The following ABLIM2 variants were observed in gnomAD, a reference collection of about 807,000 sequenced individuals.
The protein encoded by ABLIM2 is actin-binding LIM protein 2.
Under a neutral mutation model 97.7 loss-of-function variants are expected in ABLIM2, and 53 were observed. The ratio of observed to expected loss-of-function variants is 0.54; its 90% CI spans 0.44 to 0.68. ABLIM2 has a LOEUF of 0.68. Among genes scored for constraint, ABLIM2 ranks in the 30% least tolerant of loss-of-function variants. The pLI, the probability that ABLIM2 is intolerant of heterozygous loss-of-function variation, is 0.00. For missense variants in ABLIM2, 835 were observed against 867.2 expected (o/e 0.96, Z 0.47); for synonymous variants, 361 against 345.8 (o/e 1.04, Z -0.49).
intron 11 of ABLIM2, among the ~76,000 whole-genome samples, chr4:8,029,376 G>A (rs1779381112): frequency 6.6e-6 from 1 of 152,144 alleles, no homozygotes; most frequent in Non-Finnish European, 1.5e-5. Context: ...CGCTCAGCGT[G>A]TGCCCCCTAG....
rs1041872957 is a variant in ABLIM2, at chr4:8,143,166, G to A, written c.10+15514C>T. ...TGGGAGCGGGGGCGAGAGTGGGGGG[G>A]GGGGGCGTCTGCAAATGCATCTCCT... On this transcript the variant is annotated intron_variant, in intron 1 of 20. Coordinates refer to ENST00000447017, the MANE Select transcript of ABLIM2 (RefSeq NM_001130083.2). Among the ~76,000 whole-genome samples the A allele has an allele frequency of 6.0e-5, 9 of 149,042 alleles. No homozygotes were observed. In the South Asian group the frequency reaches 1.1e-3, roughly 18 times the overall value.
rs1291887662 is a variant in ABLIM2 at position 7,998,224 on chromosome 4, T to A, written c.1619-5297A>T. On this transcript the variant is annotated intron_variant, in intron 16 of 20. Transcript: ENST00000447017. The surrounding 1 kb of genome is among the most constrained non-coding windows in gnomAD (Gnocchi z 6.4). ...TTTCATTCAAATCATTGATCTTCGG[T>A]GTTCTTGGTGTGACGGGTAATTTTT... is the stretch of plus-strand genomic sequence containing the variant. Among the ~76,000 whole-genome samples the A allele has an allele frequency of 6.6e-6, 1 of 152,046 alleles. No individual in the cohort carries two copies. The highest frequency in any genetic ancestry group is 2.4e-5 in the African/African-American group (1 of 41,388).
intron 1 of ABLIM2, among the ~76,000 whole-genome samples, chr4:8,135,804 C>G (rs1001805639): frequency 9.9e-5 from 15 of 152,240 alleles, no homozygotes; most frequent in Non-Finnish European, 1.5e-5. Context: ...CCTCTCACGG[C>G]TGACCTGTTT....
chr4:8,072,404 G>T lies in ABLIM2; in HGVS notation c.675+5224C>A, dbSNP rs1018594873. Reference sequence around the variant, plus strand: ...AGCAGCCCCAGTTTGGGTGGGGTCTGCCCCCGACCCCAGGCCAGGGCCTCT... The same window carrying T: ...AGCAGCCCCAGTTTGGGTGGGGTCTTCCCCCGACCCCAGGCCAGGGCCTCT... On this transcript the variant is annotated intron_variant, in intron 6 of 20. Coordinates refer to ENST00000447017, the MANE Select transcript of ABLIM2 (RefSeq NM_001130083.2). This position sits in a 1 kb window ranked among gnomAD's most constrained non-coding sequence, Gnocchi z 5.8. Among the ~76,000 whole-genome samples the T allele has an allele frequency of 6.6e-6, 1 of 152,214 alleles. No homozygotes were observed. The highest frequency in any genetic ancestry group is 2.4e-5 in the African/African-American group (1 of 41,458).
chr4:8,099,196 C>G (rs1037674253), intron 2 of ABLIM2, among the ~76,000 whole-genome samples: 1 of 152,184 alleles, frequency 6.6e-6, no homozygotes, highest in African/African-American at 2.4e-5. Flanking sequence ...GTAGACCAAG[C>G]AAATACATCC....
At chr4:8,143,072 G>T (rs1561628086) in intron 1 of ABLIM2, among the ~76,000 whole-genome samples, 1 of 149,096 alleles carries the variant, frequency 6.7e-6, no homozygotes, top group Non-Finnish European at 1.5e-5. Flanking sequence ...ACCGGCTCTT[G>T]TCCTTCTTCT....
At chr4:8,048,468 T>C (rs886664249) in intron 8 of ABLIM2, among the ~76,000 whole-genome samples, 1 of 151,900 alleles carries the variant, frequency 6.6e-6, no homozygotes, top group African/African-American at 2.4e-5. Context: ...ACCCCTCTCA[T>C]CTCCATGTGA....
At chr4:7,981,603 T>G (rs1451142699) in intron 20 of ABLIM2, among the ~76,000 whole-genome samples, 1 of 152,224 alleles carries the variant, frequency 6.6e-6, no homozygotes, top group East Asian at 1.9e-4. Context: ...ATTCCTTCTC[T>G]GCTTAAGTCA....
chr4:8,098,595 C>T (rs962207771), intron 2 of ABLIM2, among the ~76,000 whole-genome samples: 2 of 152,204 alleles, frequency 1.3e-5, no homozygotes, highest in African/African-American at 2.4e-5. Context: ...GTTAGCTCTT[C>T]TGATATGGTG....
In ABLIM2 at chr4:8,005,975, C is replaced by G. The variant is rs1377216389; in HGVS notation, c.1618+2084G>C. Reference sequence around the variant, plus strand: ...GATGGAGGCAGCCGCAGCCTGCGTGCATCTGCACAGGCAGCCTGGGAGAAG... The same window carrying G: ...GATGGAGGCAGCCGCAGCCTGCGTGGATCTGCACAGGCAGCCTGGGAGAAG... On this transcript the variant is annotated intron_variant, in intron 16 of 20. Transcript: ENST00000447017. The surrounding 1 kb of genome is among the most constrained non-coding windows in gnomAD (Gnocchi z 4.9). 6.6e-6 allele frequency among the ~76,000 whole-genome samples: 1 copy of G among 152,230 alleles called. No individual in the cohort carries two copies. The highest frequency in any genetic ancestry group is 1.5e-5 in the Non-Finnish European group (1 of 68,036).
At chr4:8,080,852 T>C (rs1236473017) in intron 4 of ABLIM2, 50 bp from the exon 5 acceptor site, 6 of 1,558,114 alleles carry the variant, frequency 3.9e-6, no homozygotes, top group East Asian at 2.3e-5. Context: ...GTGAGAGGTG[T>C]TGGGGAGGCC....
rs537023217 is a variant in ABLIM2, at chr4:8,047,980, C to T, written c.823-2739G>A. On this transcript the variant is annotated intron_variant, in intron 8 of 20. Coordinates refer to ENST00000447017, the MANE Select transcript of ABLIM2 (RefSeq NM_001130083.2). ...AGCACAGGAAAGTCTCCCAGGCTCC[C>T]GAGGAATGTTTCACAGCCTCCAACT... 1.6e-4 allele frequency among the ~76,000 whole-genome samples: 25 copies of T among 152,306 alleles called. No individual in the cohort carries two copies. In the South Asian group the frequency reaches 5.0e-3, roughly 30 times the overall value.
Position 7,999,978 on chromosome 4 carries a change from G to A in ABLIM2, c.1619-7051C>T, listed in dbSNP as rs1755960706. On this transcript the variant is annotated intron_variant, in intron 16 of 20. Transcript: ENST00000447017. The surrounding 1 kb of genome is among the most constrained non-coding windows in gnomAD (Gnocchi z 4.4). ...TTCAAGGCCGGGCACCTTGTGGGCA[G>A]AGGACTGTGGCTCACACAGCATCCG... Among the ~76,000 whole-genome samples the A allele has an allele frequency of 6.6e-6, 1 of 152,222 alleles. No individual in the cohort carries two copies. The highest frequency in any genetic ancestry group is 1.5e-5 in the Non-Finnish European group (1 of 68,044).
chr4:8,117,229 A>G (rs1293464264), intron 1 of ABLIM2, among the ~76,000 whole-genome samples: 1 of 152,124 alleles, frequency 6.6e-6, no homozygotes, highest in Non-Finnish European at 1.5e-5. Context: ...AGGTTTAGTG[A>G]CCAGCCCAAA....
intron 7 of ABLIM2, among the ~76,000 whole-genome samples, chr4:8,060,526 T>A (rs1227077882): frequency 6.6e-6 from 1 of 152,072 alleles, no homozygotes; most frequent in Non-Finnish European, 1.5e-5. Flanking sequence ...ATTACCAACC[T>A]CCTTTGTGGA....
chr4:8,125,397 A>G lies in ABLIM2; in HGVS notation c.11-18760T>C, dbSNP rs549771545. ...ATTTTACACAAATAGAATTGCATCT[A>G]TGTGACTGCTAGTTTTAATTGTGGA... On this transcript the variant is annotated intron_variant, in intron 1 of 20. Coordinates refer to ENST00000447017, the MANE Select transcript of ABLIM2 (RefSeq NM_001130083.2). The surrounding 1 kb of genome is among the most constrained non-coding windows in gnomAD (Gnocchi z 6.2). 2.6e-5 allele frequency among the ~76,000 whole-genome samples: 4 copies of G among 152,284 alleles called. No homozygotes were observed. Among genetic ancestry groups the G allele is most frequent in the Non-Finnish European group, 5.9e-5 (4 of 68,048 alleles).
chr4:7,983,549 T>TGA lies in ABLIM2; in HGVS notation c.1740_1741insTC (p.Lys581SerfsTer17). On this transcript the variant is annotated frameshift_variant, in exon 19 of 21. Transcript: ENST00000447017. LOFTEE classifies it high-confidence loss of function. The stretch of plus-strand genomic sequence containing the variant: ...AGTGTGGGAGCGGCCCCGCTTACCT[T>TGA]GTATTCTGTAAGAGAGAGAGAGCGG... 1 of 1,613,262 alleles carries TGA rather than the reference T, an allele frequency of 6.2e-7. No individual in the cohort carries two copies. The highest frequency in any genetic ancestry group is 8.5e-7 in the Non-Finnish European group (1 of 1,179,720).
At position 8,019,623 on chromosome 4, in the gene ABLIM2, T is replaced by C; in HGVS notation, c.1418A>G (p.Gln473Arg). ...NIYRKPPIYR[Q>R]HAARRSDGED... ...CGGGAGGAATCCAACCGTACCATGC[T>C]GTCTGTAGATAGGGGGTTTCCTATA... Residue 473 changes from glutamine (Q) to arginine (R), a missense_variant, in exon 14 of 21, where the codon CAG becomes CGG. Gln to Arg is a conservative substitution (Grantham distance 43). Transcript: ENST00000447017. This position sits in a 1 kb window ranked among gnomAD's most constrained non-coding sequence, Gnocchi z 4.3. The C allele has an allele frequency of 6.2e-7, 1 of 1,611,782 alleles. No individual in the cohort carries two copies. The highest frequency in any genetic ancestry group is 8.5e-7 in the Non-Finnish European group (1 of 1,179,160).
chr4:8,017,771 A>AT (rs1270979100), intron 14 of ABLIM2, among the ~76,000 whole-genome samples: 5 of 152,192 alleles, frequency 3.3e-5, no homozygotes, highest in African/African-American at 9.6e-5. Flanking sequence ...AAGCGGGTGG[A>AT]TCACAAGGTC....
Sources: allele counts gnomAD v4.1 joint callset (sites outside exome capture counted in the v4.1 genomes callset), GRCh38; gene constraint gnomAD v4.1.1; non-coding constraint Gnocchi (gnomAD v3.1); transcripts MANE v1.5; gene names NCBI Gene and HGNC (gene_info 2026-07-23, HGNC 2026-07-21).